MBD5: variants seen among roughly 807,000 people sequenced by gnomAD.
MBD5 encodes methyl-CpG-binding domain protein 5.
Under a neutral mutation model 117.3 loss-of-function variants are expected in MBD5, and 13 were observed. The ratio of observed to expected loss-of-function variants is 0.11; its 90% CI spans 0.07 to 0.18. The LOEUF (loss-of-function observed/expected upper bound fraction) is 0.18, where lower values mean the gene tolerates loss of function less well. Among genes scored for constraint, MBD5 ranks in the 10% least tolerant of loss-of-function variants. The pLI, the probability that MBD5 is intolerant of heterozygous loss-of-function variation, is 1.00. For synonymous variants in MBD5, 727 were observed against 766.4 expected, an observed-to-expected ratio of 0.95 and a Z score of 0.85; for missense variants, 1,879 against 2,093.8, an observed-to-expected ratio of 0.90 and a Z score of 2.00.
intron 3 of MBD5, among the ~76,000 whole-genome samples, chr2:148,235,129 C>T (rs959533979): frequency 4.6e-5 from 7 of 152,090 alleles, no homozygotes; most frequent in Non-Finnish European, 7.4e-5. Context: ...ACTTATACTA[C>T]CTAATACAAC....
intron 1 of MBD5, among the ~76,000 whole-genome samples, chr2:148,095,006 A>G (rs149903559): frequency 1.4e-4 from 21 of 152,292 alleles, no homozygotes; most frequent in African/African-American, 5.1e-4. Context: ...GGCCAGGTGA[A>G]TCATCCTGAA....
chr2:148,211,376 A>G (rs1699417913), intron 2 of MBD5, among the ~76,000 whole-genome samples: 1 of 152,186 alleles, frequency 6.6e-6, no homozygotes. Context: ...TCCTAACTTC[A>G]TTTGGTATAA....
chr2:148,304,954 A>G (rs1001857962), intron 3 of MBD5, among the ~76,000 whole-genome samples: 12 of 151,326 alleles, frequency 7.9e-5, no homozygotes, highest in Middle Eastern at 6.9e-3. Flanking sequence ...AGTCCCAGCT[A>G]CTTGGGAGGC....
intron 2 of MBD5, among the ~76,000 whole-genome samples, chr2:148,181,241 C>T (rs1698527235): frequency 6.6e-6 from 1 of 152,180 alleles, no homozygotes; most frequent in Non-Finnish European, 1.5e-5. Flanking sequence ...TGGTAATCCA[C>T]AGTATATGGC....
intron 2 of MBD5, among the ~76,000 whole-genome samples, chr2:148,229,223 A>T (rs886174554): frequency 5.3e-5 from 8 of 150,626 alleles, no homozygotes; most frequent in African/African-American, 2.0e-4. Flanking sequence ...CAAACAGCCT[A>T]TCTTCAAGCT....
At chr2:148,481,151 T>C (rs1301073101) in intron 8 of MBD5, among the ~76,000 whole-genome samples, 1 of 152,150 alleles carries the variant, frequency 6.6e-6, no homozygotes, top group Non-Finnish European at 1.5e-5. Context: ...AAATATCACA[T>C]GTAGAAAGAT....
intron 2 of MBD5, among the ~76,000 whole-genome samples, chr2:148,194,829 A>G (rs1698932909): frequency 6.6e-6 from 1 of 152,092 alleles, no homozygotes; most frequent in Non-Finnish European, 1.5e-5. Context: ...AACAAATAGC[A>G]AGGTGCTAAA....
intron 3 of MBD5, among the ~76,000 whole-genome samples, chr2:148,261,144 A>G (rs113671194): frequency 1.9e-4 from 29 of 152,276 alleles, no homozygotes; most frequent in Non-Finnish European, 3.1e-4. Context: ...CATAATTCTT[A>G]AGGGCCCTAG....
chr2:148,213,448 G>C (rs1699478592), intron 2 of MBD5, among the ~76,000 whole-genome samples: 1 of 152,050 alleles, frequency 6.6e-6, no homozygotes, highest in Non-Finnish European at 1.5e-5. Context: ...AGGGAGCAGG[G>C]AATAGGAGGA....
At chr2:148,300,221 A>AT (rs1175731391) in intron 3 of MBD5, among the ~76,000 whole-genome samples, 4 of 151,918 alleles carry the variant, frequency 2.6e-5, no homozygotes, top group South Asian at 2.1e-4. Flanking sequence ...CATCCAGCTA[A>AT]TTTTTTGTAT....
At chr2:148,136,485 T>C (rs1234145495) in intron 1 of MBD5, among the ~76,000 whole-genome samples, 1 of 152,232 alleles carries the variant, frequency 6.6e-6, no homozygotes, top group African/African-American at 2.4e-5. Flanking sequence ...CAGTGGTCTC[T>C]CTCTGGATAC....
chr2:148,339,430 G>C lies in MBD5; in HGVS notation c.-679-2784G>C, dbSNP rs188240549. On this transcript the variant is annotated intron_variant, in intron 3 of 13. Coordinates refer to ENST00000642680, the MANE Select transcript of MBD5 (RefSeq NM_001378120.1). The stretch of plus-strand genomic sequence containing the variant: ...TCACCCAGGAATTTTCATCATCTCT[G>C]ACTATGTTTTCCACATTTCTTCTCA... 2.0e-5 allele frequency among the ~76,000 whole-genome samples: 3 copies of C among 152,076 alleles called. No individual in the cohort carries two copies. The East Asian group carries it at 5.8e-4, about 29-fold the overall frequency.
intron 3 of MBD5, among the ~76,000 whole-genome samples, chr2:148,307,931 G>T (rs1304992242): frequency 6.6e-6 from 1 of 152,056 alleles, no homozygotes; most frequent in Non-Finnish European, 1.5e-5. Context: ...TGAGAATGAT[G>T]GTTTCCAGCT....
At chr2:148,258,416 G>T (rs59059734) in intron 3 of MBD5, among the ~76,000 whole-genome samples, 2,576 of 152,206 alleles carry the variant, frequency 0.017, 28 homozygotes, top group East Asian at 0.034. Flanking sequence ...AAAGAAGGCT[G>T]CAATCTGCAC....
chr2:148,212,466 T>C (rs1699447086), intron 2 of MBD5, among the ~76,000 whole-genome samples: 1 of 152,216 alleles, frequency 6.6e-6, no homozygotes, highest in Admixed American at 6.5e-5. Context: ...CTGCATTTTA[T>C]TTATTCATCA....
At chr2:148,489,240 A>C in intron 10 of MBD5, 146 bp from the exon 11 acceptor site, 2 of 970,212 alleles carry the variant, frequency 2.1e-6, no homozygotes, top group Non-Finnish European at 3.1e-6. Flanking sequence ...GTGACTTTTT[A>C]TTTCATTTTT....
chr2:148,464,081 T>G (rs1323810679), intron 7 of MBD5, among the ~76,000 whole-genome samples, 162 bp downstream of exon 7: 1 of 152,176 alleles, frequency 6.6e-6, no homozygotes, highest in Non-Finnish European at 1.5e-5. Context: ...AAACTAGTTC[T>G]GAAAAAATAT....
intron 2 of MBD5, among the ~76,000 whole-genome samples, chr2:148,210,018 A>T (rs991808983): frequency 6.6e-6 from 1 of 152,166 alleles, no homozygotes; most frequent in Non-Finnish European, 1.5e-5. Flanking sequence ...AATAGAAACT[A>T]CTACCTCTTG....
intron 4 of MBD5, among the ~76,000 whole-genome samples, chr2:148,381,770 C>A (rs1385988450): frequency 6.6e-6 from 1 of 152,176 alleles, no homozygotes; most frequent in African/African-American, 2.4e-5. Flanking sequence ...TCAGCAGAAA[C>A]TCTACAAGCC....
Sources: gnomAD v4.1 joint callset for allele counts (sites outside exome capture counted in the v4.1 genomes callset) on GRCh38, gnomAD v4.1.1 for gene constraint, MANE v1.5 for transcripts, NCBI Gene and HGNC (gene_info 2026-07-23, HGNC 2026-07-21) for gene names.